The following DCDC2 variants were observed in gnomAD, a reference collection of about 807,000 sequenced individuals.
DCDC2 encodes doublecortin domain-containing protein 2.
DCDC2 carries 40 observed loss-of-function variants against 50.2 expected under a neutral mutation model. The observed-to-expected ratio is 0.80, with a 90% confidence interval of 0.62 to 1.04. The LOEUF (loss-of-function observed/expected upper bound fraction) is 1.04. Among genes scored for constraint, DCDC2 ranks in the 50% least tolerant of loss-of-function variants. The probability of loss-of-function intolerance (pLI) is 0.00; values close to 1 mark genes in which losing one functional copy is unlikely to be tolerated. For missense variants in DCDC2, 570 were observed against 581.9 expected, an observed-to-expected ratio of 0.98 and a Z score of 0.21; for synonymous variants, 234 against 210.6, an observed-to-expected ratio of 1.11 and a Z score of -0.96.
chr6:24,260,357 T>C (rs892601127), intron 7 of DCDC2, among the ~76,000 whole-genome samples: 2 of 152,260 alleles, frequency 1.3e-5, no homozygotes, highest in African/African-American at 4.8e-5. Context: ...GACTAATTCG[T>C]ATCTCCTTAC....
upstream of DCDC2, among the ~76,000 whole-genome samples, chr6:24,360,106 G>T (rs1156575055): frequency 5.3e-5 from 8 of 152,192 alleles, no homozygotes; most frequent in South Asian, 2.1e-4. Context: ...TTACCTCTGC[G>T]GGCCTCTCTC....
chr6:24,350,682 T>C (rs905109513), intron 2 of DCDC2, among the ~76,000 whole-genome samples: 1 of 152,124 alleles, frequency 6.6e-6, no homozygotes, highest in African/African-American at 2.4e-5. Context: ...TTGAAACAAC[T>C]CTTAACCCTC....
chr6:24,199,202 G>A (rs1348992627), intron 8 of DCDC2, among the ~76,000 whole-genome samples: 1 of 152,224 alleles, frequency 6.6e-6, no homozygotes, highest in Non-Finnish European at 1.5e-5. Flanking sequence ...TGACCCCTGT[G>A]CCTCCTGACT....
intron 2 of DCDC2, among the ~76,000 whole-genome samples, chr6:24,311,545 A>G (rs2113845451): frequency 6.6e-6 from 1 of 152,340 alleles, no homozygotes; most frequent in Middle Eastern, 3.4e-3. Context: ...TCACAATATC[A>G]TTCTAAGGTA....
intron 8 of DCDC2, among the ~76,000 whole-genome samples, chr6:24,194,734 A>C (rs1761394273): frequency 6.6e-6 from 1 of 152,234 alleles, no homozygotes; most frequent in South Asian, 2.1e-4. Context: ...GGCATCTGCT[A>C]ATCAGGCACT....
chr6:24,379,346 A>C, the DCDC2 span, among the ~76,000 whole-genome samples: 1 of 149,186 alleles, frequency 6.7e-6, no homozygotes, highest in South Asian at 2.2e-4. Context: ...TTTACAAGAA[A>C]AAAAACAAAC....
Position 24,357,666 on chromosome 6 carries a change from A to G in DCDC2, c.85T>C (p.Tyr29His), listed in dbSNP as rs748676214. ...VLVYRNGDPF[Y>H]AGRRVVIHEK... is the part of the protein sequence containing the mutation. ...TGGATGACGACGCGGCGCCCCGCGT[A>G]GAAGGGGTCCCCGTTGCGGTACACA... Residue 29 changes from tyrosine (Y) to histidine (H), a missense_variant, in exon 1 of 10, where the codon TAC becomes CAC. Physicochemically the swap from Tyr to His is moderately conservative, Grantham distance 83. Transcript: ENST00000378454. The G allele has an allele frequency of 1.2e-6, 2 of 1,613,300 alleles. No homozygotes were observed. Among genetic ancestry groups the G allele is most frequent in the Non-Finnish European group, 8.5e-7 (1 of 1,180,022 alleles).
At chr6:24,315,091 T>C (rs139828895) in intron 2 of DCDC2, among the ~76,000 whole-genome samples, 113 of 152,162 alleles carry the variant, frequency 7.4e-4, no homozygotes, top group African/African-American at 2.6e-3. Context: ...CTCTGATAGA[T>C]ATACTAGTGG....
At chr6:24,332,251 G>A (rs937685734) in intron 2 of DCDC2, among the ~76,000 whole-genome samples, 2 of 137,644 alleles carry the variant, frequency 1.5e-5, no homozygotes, top group African/African-American at 6.3e-5. Context: ...ATATGACTTC[G>A]GACTGCCTGG....
chr6:24,377,269 G>C, the DCDC2 span, among the ~76,000 whole-genome samples: 1 of 152,290 alleles, frequency 6.6e-6, no homozygotes, highest in Non-Finnish European at 1.5e-5. Context: ...TCCAGAGCCA[G>C]AGTTCTTTTT....
At chr6:24,253,363 A>G (rs1478724574) in intron 7 of DCDC2, among the ~76,000 whole-genome samples, 1 of 152,162 alleles carries the variant, frequency 6.6e-6, no homozygotes, top group African/African-American at 2.4e-5. Flanking sequence ...CTTTACACAA[A>G]TAAATTTTAA....
chr6:24,263,291 G>A (rs1763051962), intron 7 of DCDC2, among the ~76,000 whole-genome samples: 1 of 152,176 alleles, frequency 6.6e-6, no homozygotes, highest in Non-Finnish European at 1.5e-5. Flanking sequence ...AGCCAAGACT[G>A]TGAAGACCAC....
At chr6:24,327,944 T>C (rs1759904035) in intron 2 of DCDC2, among the ~76,000 whole-genome samples, 1 of 152,214 alleles carries the variant, frequency 6.6e-6, no homozygotes, top group Non-Finnish European at 1.5e-5. Flanking sequence ...ATGCCCAACA[T>C]GTGTTACTCT....
At chr6:24,359,249 T>A (rs1355110757), upstream of DCDC2, among the ~76,000 whole-genome samples, 4 of 78,228 alleles carry the variant, frequency 5.1e-5, no homozygotes, top group African/African-American at 2.1e-4. Flanking sequence ...TTTTATATAT[T>A]ATATATAATA....
intron 2 of DCDC2, among the ~76,000 whole-genome samples, chr6:24,347,665 G>A (rs989563421): frequency 2.6e-5 from 4 of 152,050 alleles, no homozygotes; most frequent in Non-Finnish European, 2.9e-5. Flanking sequence ...GTCCTCAGGG[G>A]GTACTGGAAA....
chr6:24,313,256 C>T lies in DCDC2; in HGVS notation c.349-11212G>A, dbSNP rs533965352. ...TGTTAAGGTATTCACAAGTAAATGC[C>T]CATGGGTTTCCCTAATGCTATGCTT... On this transcript the variant is annotated intron_variant, in intron 2 of 9. Coordinates refer to ENST00000378454, the MANE Select transcript of DCDC2 (RefSeq NM_016356.5). 7.2e-5 allele frequency among the ~76,000 whole-genome samples: 11 copies of T among 152,112 alleles called. No homozygotes were observed. The South Asian group carries it at 1.0e-3, about 14-fold the overall frequency.
upstream of DCDC2, among the ~76,000 whole-genome samples, chr6:24,358,789 A>AT (rs1376884189): frequency 1.3e-4 from 10 of 77,344 alleles, no homozygotes; most frequent in East Asian, 3.4e-3. Flanking sequence ...TAATATATAA[A>AT]ATATATATTT....
At chr6:24,220,877 CGA>C (rs1413337289) in intron 7 of DCDC2, among the ~76,000 whole-genome samples, 1 of 17,526 alleles carries the variant, frequency 5.7e-5, no homozygotes, top group African/African-American at 3.6e-4. Context: ...AGCAAGAGAG[CGA>C]GAGCGAGAGA....
At chr6:24,297,952 A>C (rs2113835449) in intron 4 of DCDC2, among the ~76,000 whole-genome samples, 1 of 152,346 alleles carries the variant, frequency 6.6e-6, no homozygotes, top group Admixed American at 6.5e-5. Context: ...TGCAAACTGG[A>C]AGTGTACTTA....
Sources: gnomAD v4.1 joint callset for allele counts (sites outside exome capture counted in the v4.1 genomes callset) on GRCh38, gnomAD v4.1.1 for gene constraint, MANE v1.5 for transcripts, NCBI Gene and HGNC (gene_info 2026-07-23, HGNC 2026-07-21) for gene names.